SERINC1: variants seen among roughly 807,000 people sequenced by gnomAD.
SERINC1 encodes serine incorporator 1, also known as tumor differentially expressed protein 2.
In SERINC1, 38 loss-of-function variants were observed where a neutral mutation model predicts 52.9. The observed-to-expected ratio is 0.72, with a 90% CI of 0.55 to 0.94. SERINC1 has a LOEUF of 0.94. Ranked by LOEUF, SERINC1 falls within the 40% of genes least tolerant of loss-of-function variation. The pLI is 0.00. For synonymous variants in SERINC1, 198 were observed against 183.1 expected, an observed-to-expected ratio of 1.08 and a Z score of -0.66; for missense variants, 471 against 533.9, an observed-to-expected ratio of 0.88 and a Z score of 1.16.
intron 5 of SERINC1, among the ~76,000 whole-genome samples, 180 bp downstream of exon 5, chr6:122,453,590 A>C (rs1774947527): frequency 6.6e-6 from 1 of 152,202 alleles, no homozygotes. Flanking sequence ...TAATCTGCTA[A>C]AAGATCTGCT....
At chr6:122,463,083 CAG>C (rs1775130816) in intron 1 of SERINC1, among the ~76,000 whole-genome samples, 1 of 152,148 alleles carries the variant, frequency 6.6e-6, no homozygotes, top group Non-Finnish European at 1.5e-5. Context: ...GTAATTAAAA[CAG>C]AGTGATATAG....
At chr6:122,446,312 T>A (rs1372381812) in intron 9 of SERINC1, among the ~76,000 whole-genome samples, 2 of 152,154 alleles carry the variant, frequency 1.3e-5, no homozygotes, top group Non-Finnish European at 2.9e-5. Flanking sequence ...AATTGTTGCT[T>A]GTAGAAAGAA....
intron 7 of SERINC1, among the ~76,000 whole-genome samples, chr6:122,451,291 G>A (rs546698763): frequency 1.3e-5 from 2 of 152,252 alleles, no homozygotes; most frequent in South Asian, 4.1e-4. Context: ...TGGAAATAAA[G>A]TACTTTCAAA....
rs1774707418 is a variant in SERINC1, at chr6:122,443,681, A to G, written c.*1363T>C. The stretch of plus-strand genomic sequence containing the variant: ...TATAAGCAGGAGTTTATTCTAAAAC[A>G]TTCCATCATTCTTCTGACCTGTTTA... On this transcript the variant is annotated 3_prime_UTR_variant, in exon 10 of 10. Coordinates refer to ENST00000339697, the MANE Select transcript of SERINC1 (RefSeq NM_020755.4). 1 of 152,230 alleles carries G rather than the reference A, an allele frequency of 6.6e-6. No homozygotes were observed. The highest frequency in any genetic ancestry group is 6.5e-5 in the Admixed American group (1 of 15,280). The allele number at this position is 152,230 out of a possible 1,614,324, so 9.4% of individuals were successfully genotyped here. A position where few individuals can be genotyped will look rare whatever the true frequency, so the allele number is the denominator to read the frequency against.
At position 122,447,102 on chromosome 6, in the gene SERINC1, A is replaced by C. The variant is rs758188557; in HGVS notation, c.995+19T>G. Reference sequence around the variant, plus strand: ...CTAGACTTCTTGTTTAAAGAAAAAAATTCCATAGTTTTTCCTACCTGGAAT... The same window carrying C: ...CTAGACTTCTTGTTTAAAGAAAAAACTTCCATAGTTTTTCCTACCTGGAAT... On this transcript the variant is annotated intron_variant, in intron 8 of 9. Coordinates refer to ENST00000339697, the MANE Select transcript of SERINC1 (RefSeq NM_020755.4). 6.2e-7 allele frequency: 1 copy of C among 1,602,184 alleles called. No homozygotes were observed. The highest frequency in any genetic ancestry group is 1.1e-5 in the South Asian group (1 of 89,530).
At chr6:122,467,688 C>T (rs1775211604) in intron 1 of SERINC1, among the ~76,000 whole-genome samples, 1 of 152,274 alleles carries the variant, frequency 6.6e-6, no homozygotes, top group Non-Finnish European at 1.5e-5. Flanking sequence ...ACAAGGCTGA[C>T]CTATGAAGAG....
intron 1 of SERINC1, among the ~76,000 whole-genome samples, chr6:122,469,885 A>C (rs2114494140): frequency 6.6e-6 from 1 of 152,234 alleles, no homozygotes; most frequent in South Asian, 2.1e-4. Context: ...AAGCTGAATA[A>C]ATTTTAATTT....
intron 3 of SERINC1, among the ~76,000 whole-genome samples, chr6:122,455,479 GA>G (rs1774978185): frequency 6.6e-6 from 1 of 151,992 alleles, no homozygotes. Flanking sequence ...CCCTGCCCTT[GA>G]ACATCAGGCT....
intron 1 of SERINC1, among the ~76,000 whole-genome samples, chr6:122,467,980 G>A (rs775746506): frequency 1.6e-4 from 25 of 152,080 alleles, no homozygotes; most frequent in Admixed American, 8.5e-4. Context: ...TTAGAAATAC[G>A]GCAATAAATA....
At chr6:122,466,404 C>T (rs1481589982) in intron 1 of SERINC1, among the ~76,000 whole-genome samples, 4 of 152,108 alleles carry the variant, frequency 2.6e-5, no homozygotes, top group African/African-American at 4.8e-5. Context: ...GAAGCCACAA[C>T]CTCCCTGGGT....
At chr6:122,450,858 C>G (rs182344201) in intron 7 of SERINC1, among the ~76,000 whole-genome samples, 3 of 152,032 alleles carry the variant, frequency 2.0e-5, no homozygotes, top group East Asian at 3.9e-4. Flanking sequence ...CATTATCAAG[C>G]CTGAATGATG....
Position 122,451,622 on chromosome 6 carries a change from A to G in SERINC1, c.850+42T>C, listed in dbSNP as rs969546006. 5 of 753,232 alleles carry G rather than the reference A, an allele frequency of 6.6e-6. No homozygotes were observed. The African/African-American group carries it at 7.3e-5, about 11-fold the overall frequency. The allele number at this position is 753,232 out of a possible 1,614,324, so 46.7% of individuals were successfully genotyped here. A position where few individuals can be genotyped will look rare whatever the true frequency, so the allele number is the denominator to read the frequency against. On this transcript the variant is annotated intron_variant, in intron 7 of 9. Coordinates refer to ENST00000339697, the MANE Select transcript of SERINC1 (RefSeq NM_020755.4). ...AAAGACAATTTCTGGAAAAACAACA[A>G]CTGCAGAACCTTTAGGAACATGTAA...
chr6:122,449,759 GT>G (rs770817035), intron 7 of SERINC1, among the ~76,000 whole-genome samples: 31 of 152,222 alleles, frequency 2.0e-4, no homozygotes, highest in Non-Finnish European at 1.2e-4. Flanking sequence ...GCTCACGCCT[GT>G]AAGTTCAGCA....
chr6:122,457,820 T>C (rs1286347692), intron 2 of SERINC1, among the ~76,000 whole-genome samples: 3 of 151,552 alleles, frequency 2.0e-5, no homozygotes, highest in Non-Finnish European at 4.4e-5. Flanking sequence ...TATATATATA[T>C]ATACATGTAC....
At position 122,451,662 on chromosome 6, in the gene SERINC1, A is replaced by G; in HGVS notation, c.850+2T>C. On this transcript the variant is annotated splice_donor_variant, in intron 7 of 9. Coordinates refer to ENST00000339697, the MANE Select transcript of SERINC1 (RefSeq NM_020755.4). LOFTEE classifies it high-confidence loss of function. Reference sequence around the variant, plus strand: ...GGAACATGTAATATAAATAAAACACACCTGGTTCATTGGTCATAGCTGACC... The same window carrying G: ...GGAACATGTAATATAAATAAAACACGCCTGGTTCATTGGTCATAGCTGACC... The G allele has an allele frequency of 9.1e-7, 1 of 1,102,392 alleles. No individual in the cohort carries two copies. The highest frequency in any genetic ancestry group is 1.3e-6 in the Non-Finnish European group (1 of 767,844). 68.3% of individuals were successfully genotyped at this position (1,102,392 alleles called of 1,614,324 possible).
At chr6:122,471,569 CG>C in intron 1 of SERINC1, 129 bp downstream of exon 1, 1 of 1,075,342 alleles carries the variant, frequency 9.3e-7, no homozygotes, top group Non-Finnish European at 1.4e-6. Context: ...GGGAAGAAAA[CG>C]GGGACAGAGA....
chr6:122,459,635 A>C (rs538552916), intron 1 of SERINC1, among the ~76,000 whole-genome samples: 15 of 152,350 alleles, frequency 9.8e-5, no homozygotes, highest in Non-Finnish European at 1.6e-4. Context: ...AGAAAATATA[A>C]GGCATATGAA....
At chr6:122,463,790 C>G (rs1775144994) in intron 1 of SERINC1, among the ~76,000 whole-genome samples, 1 of 152,054 alleles carries the variant, frequency 6.6e-6, no homozygotes, top group Non-Finnish European at 1.5e-5. Context: ...TTGACTGTTT[C>G]TTATTTTTAA....
intron 1 of SERINC1, among the ~76,000 whole-genome samples, chr6:122,466,428 C>T (rs1257763910): frequency 6.6e-6 from 1 of 152,102 alleles, no homozygotes; most frequent in African/African-American, 2.4e-5. Context: ...GGTGATCCCC[C>T]CACCTCAGCC....
Sources: allele counts gnomAD v4.1 joint callset (sites outside exome capture counted in the v4.1 genomes callset), GRCh38; gene constraint gnomAD v4.1.1; transcripts MANE v1.5; gene names NCBI Gene and HGNC (gene_info 2026-07-23, HGNC 2026-07-21).